MAP2K5: variants seen among roughly 807,000 people sequenced by gnomAD.
The protein encoded by MAP2K5 is dual specificity mitogen-activated protein kinase kinase 5.
Under a neutral mutation model 83.1 loss-of-function variants are expected in MAP2K5, and 49 were observed. The observed-to-expected ratio is 0.59, with a 90% confidence interval of 0.47 to 0.75. The LOEUF (loss-of-function observed/expected upper bound fraction) is 0.75. Ranked by LOEUF, MAP2K5 falls within the 30% of genes least tolerant of loss-of-function variation. The pLI, the probability that MAP2K5 is intolerant of heterozygous loss-of-function variation, is 0.00. For missense variants in MAP2K5, 457 were observed against 557.5 expected, an observed-to-expected ratio of 0.82 and a Z score of 1.82; for synonymous variants, 202 against 191.8, an observed-to-expected ratio of 1.05 and a Z score of -0.44.
chr15:67,673,812 A>G (rs1171361566), intron 13 of MAP2K5, among the ~76,000 whole-genome samples: 1 of 152,106 alleles, frequency 6.6e-6, no homozygotes, highest in African/African-American at 2.4e-5. Context: ...TAAATAACCT[A>G]TGACATATTT....
rs1398089797 is a variant in MAP2K5, at chr15:67,801,145, G to C, written c.1243-5501G>C. On this transcript the variant is annotated intron_variant, in intron 21 of 21. Transcript: ENST00000178640. This position sits in a 1 kb window ranked among gnomAD's most constrained non-coding sequence, Gnocchi z 4.8. ...TCCATTAGTGTGAGAAGGGACAGAA[G>C]TGTTATCACAGCCAAGCGGGCTGGA... Among the ~76,000 whole-genome samples the C allele has an allele frequency of 1.3e-5, 2 of 152,204 alleles. No homozygotes were observed. The highest frequency in any genetic ancestry group is 4.8e-5 in the African/African-American group (2 of 41,450).
rs977421236 is a variant in MAP2K5 at position 67,786,359 on chromosome 15, C to G, written c.1242+13607C>G. On this transcript the variant is annotated intron_variant, in intron 21 of 21. Transcript: ENST00000178640. The surrounding 1 kb of genome is among the most constrained non-coding windows in gnomAD (Gnocchi z 4.7). ...GAAGCCATAACTTTTCATGTCTGTC[C>G]TTTATTATTGGTAAAATGTAATGAG... Among the ~76,000 whole-genome samples, 1 of 152,026 alleles carries G rather than the reference C, an allele frequency of 6.6e-6. No homozygotes were observed. The highest frequency in any genetic ancestry group is 1.9e-4 in the East Asian group (1 of 5,202).
At position 67,577,666 on chromosome 15, in the gene MAP2K5, G is replaced by A. The variant is rs1482567346; in HGVS notation, c.253-3088G>A. Among the ~76,000 whole-genome samples the A allele has an allele frequency of 6.6e-6, 1 of 152,020 alleles. No homozygotes were observed. The highest frequency in any genetic ancestry group is 1.5e-5 in the Non-Finnish European group (1 of 67,994). On this transcript the variant is annotated intron_variant, in intron 3 of 21. Coordinates refer to ENST00000178640, the MANE Select transcript of MAP2K5 (RefSeq NM_145160.3). This position sits in a 1 kb window ranked among gnomAD's most constrained non-coding sequence, Gnocchi z 4.1. Reference sequence around the variant, plus strand: ...CAAAATTGGAGAGAATCCCTTTAAAGGAAGAGTATATAGAAATGACACTAA... The same window carrying A: ...CAAAATTGGAGAGAATCCCTTTAAAAGAAGAGTATATAGAAATGACACTAA...
chr15:67,624,537 T>C (rs1020919096), intron 8 of MAP2K5, among the ~76,000 whole-genome samples: 1 of 152,030 alleles, frequency 6.6e-6, no homozygotes, highest in African/African-American at 2.4e-5. Flanking sequence ...TTTTGAATTA[T>C]ATGTTTCCCT....
rs1051443736 is a variant in MAP2K5, at chr15:67,804,951, G to T, written c.1243-1695G>T. Among the ~76,000 whole-genome samples the T allele has an allele frequency of 2.6e-4, 39 of 152,128 alleles. 2 individuals carry two copies. ...TCCTTCCTGGGCCTCTCCTGCTCAG[G>T]CCCCAGACCAAACCTCTGCCATCCA... On this transcript the variant is annotated intron_variant, in intron 21 of 21. Coordinates refer to ENST00000178640, the MANE Select transcript of MAP2K5 (RefSeq NM_145160.3).
In MAP2K5 at chr15:67,768,329, G is replaced by A. The variant is rs139301866; in HGVS notation, c.1135-1273G>A. 6.6e-6 allele frequency among the ~76,000 whole-genome samples: 1 copy of A among 152,240 alleles called. No individual in the cohort carries two copies. The highest frequency in any genetic ancestry group is 1.9e-4 in the East Asian group (1 of 5,186). ...TTGATAATGACACGCATATTGCAGAGGTGCTTTTATCATCTTCTTTTTTCC... is the reference window on the plus strand; with the variant it reads ...TTGATAATGACACGCATATTGCAGAAGTGCTTTTATCATCTTCTTTTTTCC... On this transcript the variant is annotated intron_variant, in intron 19 of 21. Coordinates refer to ENST00000178640, the MANE Select transcript of MAP2K5 (RefSeq NM_145160.3). This position sits in a 1 kb window ranked among gnomAD's most constrained non-coding sequence, Gnocchi z 4.0.
At chr15:67,642,367 T>G in intron 9 of MAP2K5, 1 of 1,497,658 alleles carries the variant, frequency 6.7e-7, no homozygotes, top group South Asian at 1.3e-5. Flanking sequence ...ACTCAGCCCT[T>G]GCCCTTGAGA....
At chr15:67,628,867 T>A (rs1205001363) in intron 8 of MAP2K5, 1 of 749,046 alleles carries the variant, frequency 1.3e-6, no homozygotes, top group African/African-American at 1.7e-5. Flanking sequence ...GCAGCCGTGG[T>A]GATGGTGGAT....
rs746033339 is a variant in MAP2K5 at position 67,783,579 on chromosome 15, C to T, written c.1242+10827C>T. On this transcript the variant is annotated intron_variant, in intron 21 of 21. Coordinates refer to ENST00000178640, the MANE Select transcript of MAP2K5 (RefSeq NM_145160.3). This position sits in a 1 kb window ranked among gnomAD's most constrained non-coding sequence, Gnocchi z 5.1. Reference sequence around the variant, plus strand: ...TGGCTAATACTTCTGTTAGTGCACTCGTCACGCTTTGTGGCAGTAACTTGT... The same window carrying T: ...TGGCTAATACTTCTGTTAGTGCACTTGTCACGCTTTGTGGCAGTAACTTGT... Among the ~76,000 whole-genome samples, 4 of 152,182 alleles carry T rather than the reference C, an allele frequency of 2.6e-5. No homozygotes were observed. Among genetic ancestry groups the T allele is most frequent in the Admixed American group, 6.5e-5 (1 of 15,286 alleles).
At chr15:67,759,250 C>T (rs62015187) in intron 19 of MAP2K5, among the ~76,000 whole-genome samples, 7,686 of 152,022 alleles carry the variant, frequency 0.051, 469 homozygotes, top group African/African-American at 0.14. Flanking sequence ...CCTAATAATA[C>T]CTCCCAGAAA....
intron 4 of MAP2K5, among the ~76,000 whole-genome samples, chr15:67,581,413 TC>T (rs1055204720): frequency 1.3e-5 from 2 of 152,198 alleles, no homozygotes; most frequent in Non-Finnish European, 2.9e-5. Flanking sequence ...GGCAGTACTA[TC>T]CTTGTATCAG....
At chr15:67,679,338 G>A (rs1056154283) in intron 13 of MAP2K5, among the ~76,000 whole-genome samples, 1 of 152,082 alleles carries the variant, frequency 6.6e-6, no homozygotes, top group Non-Finnish European at 1.5e-5. Context: ...GTGGCAACAT[G>A]GGTTGTCTCA....
chr15:67,803,570 G>A (rs930070682), intron 21 of MAP2K5, among the ~76,000 whole-genome samples: 9 of 152,308 alleles, frequency 5.9e-5, no homozygotes, highest in African/African-American at 2.2e-4. Context: ...CATGAGCTCA[G>A]TGCCAGCTCC....
intron 21 of MAP2K5, among the ~76,000 whole-genome samples, chr15:67,799,950 G>A (rs528437841): frequency 6.6e-6 from 1 of 152,140 alleles, no homozygotes; most frequent in Non-Finnish European, 1.5e-5. Flanking sequence ...GGGGGGCGGT[G>A]GGGGGGATTG....
intron 19 of MAP2K5, among the ~76,000 whole-genome samples, chr15:67,756,515 CTG>C (rs200627656): frequency 0.053 from 7,006 of 131,342 alleles, 189 homozygotes; most frequent in Middle Eastern, 0.092. Flanking sequence ...CACACAGTTA[CTG>C]TGTGTGTGTG....
At chr15:67,671,519 A>G (rs1263273251) in intron 13 of MAP2K5, among the ~76,000 whole-genome samples, 1 of 152,210 alleles carries the variant, frequency 6.6e-6, no homozygotes, top group Admixed American at 6.5e-5. Context: ...TCATGTTATC[A>G]AATCAAAAGG....
Position 67,543,590 on chromosome 15 carries a change from G to A in MAP2K5, c.135+120G>A. The A allele has an allele frequency of 8.5e-7, 1 of 1,182,316 alleles. No homozygotes were observed. Among genetic ancestry groups the A allele is most frequent in the South Asian group, 1.4e-5 (1 of 71,208 alleles). 73.2% of individuals were successfully genotyped at this position (1,182,316 alleles called of 1,614,324 possible). Reference sequence around the variant, plus strand: ...ATGGCTACTGCTGGCTTCCTGTGGAGGCAGTTTTATTGCTTCAGGCACAGC... The same window carrying A: ...ATGGCTACTGCTGGCTTCCTGTGGAAGCAGTTTTATTGCTTCAGGCACAGC... On this transcript the variant is annotated intron_variant, in intron 1 of 21. Transcript: ENST00000178640. The surrounding 1 kb of genome is among the most constrained non-coding windows in gnomAD (Gnocchi z 4.3).
intron 7 of MAP2K5, among the ~76,000 whole-genome samples, chr15:67,599,924 A>G (rs1395097145): frequency 1.3e-5 from 2 of 152,188 alleles, no homozygotes; most frequent in African/African-American, 4.8e-5. Flanking sequence ...GGCACCTACT[A>G]TTCATAATAC....
At chr15:67,705,851 C>T (rs1288440211) in intron 16 of MAP2K5, among the ~76,000 whole-genome samples, 2 of 152,084 alleles carry the variant, frequency 1.3e-5, no homozygotes, top group African/African-American at 4.8e-5. Flanking sequence ...CTCAAAGGCA[C>T]CAAGATAGAG....
Sources: allele counts gnomAD v4.1 joint callset (sites outside exome capture counted in the v4.1 genomes callset), GRCh38; gene constraint gnomAD v4.1.1; non-coding constraint Gnocchi (gnomAD v3.1); transcripts MANE v1.5; gene names NCBI Gene and HGNC (gene_info 2026-07-23, HGNC 2026-07-21).